Variants in SETDB2 observed in about 807,000 individuals in gnomAD.
SETDB2 encodes the protein histone-lysine N-methyltransferase SETDB2.
In SETDB2, 56 loss-of-function variants were observed where a neutral mutation model predicts 82.5. The ratio of observed to expected loss-of-function variants is 0.68; its 90% CI spans 0.55 to 0.85. The LOEUF is 0.85. Ranked by LOEUF, SETDB2 falls within the 40% of genes least tolerant of loss-of-function variation. The probability of loss-of-function intolerance (pLI) is 0.00; values close to 1 mark genes in which losing one functional copy is unlikely to be tolerated. For missense variants in SETDB2, 677 were observed against 816.4 expected, an observed-to-expected ratio of 0.83 and a Z score of 2.08; for synonymous variants, 272 against 284.9, an observed-to-expected ratio of 0.95 and a Z score of 0.46.
At position 49,494,794 on chromosome 13, in the gene SETDB2, C is replaced by T. The variant is rs1475378254; in HGVS notation, c.*2945C>T. ...TCTTCTGCTATCCCTAGTTGGCAGT[C>T]TTCCTCTTTACAACCTGCTGAAAGT... is the stretch of plus-strand genomic sequence containing the variant. On this transcript the variant is annotated 3_prime_UTR_variant, in exon 14 of 14. Coordinates refer to ENST00000611815, the MANE Select transcript of SETDB2 (RefSeq NM_001160308.3). The T allele has an allele frequency of 6.6e-6, 1 of 152,214 alleles. No individual in the cohort carries two copies. Among genetic ancestry groups the T allele is most frequent in the Non-Finnish European group, 1.5e-5 (1 of 68,034 alleles). 9.4% of individuals were successfully genotyped at this position (152,214 alleles called of 1,614,324 possible). A position where few individuals can be genotyped will look rare whatever the true frequency, so the allele number is the denominator to read the frequency against.
intron 12 of SETDB2, 92 bp downstream of exon 12, chr13:49,488,722 G>A: frequency 1.9e-6 from 2 of 1,051,654 alleles, no homozygotes; most frequent in South Asian, 3.3e-5. Context: ...AGACTCTAAA[G>A]TCAGACCATC....
intron 5 of SETDB2, among the ~76,000 whole-genome samples, chr13:49,472,526 T>C (rs1958271506): frequency 6.6e-6 from 1 of 152,354 alleles, no homozygotes; most frequent in African/African-American, 2.4e-5. Flanking sequence ...TCTAGCACTT[T>C]TAATCAATGA....
chr13:49,488,922 G>T (rs1958646935), intron 12 of SETDB2: 1 of 211,514 alleles, frequency 4.7e-6, no homozygotes, highest in East Asian at 1.1e-4. Context: ...TTAAAAAACT[G>T]TAAGAAATGG....
At chr13:49,445,918 CAG>C (rs1594119819) in intron 1 of SETDB2, 1 of 129,254 alleles carries the variant, frequency 7.7e-6, no homozygotes, top group African/African-American at 3.4e-5. Flanking sequence ...GCACTGGTGA[CAG>C]AGCGAGACTC....
chr13:49,489,429 G>C (rs961765419), intron 12 of SETDB2: 1 of 149,082 alleles, frequency 6.7e-6, no homozygotes, highest in Non-Finnish European at 1.5e-5. Context: ...CAAAAGGCTT[G>C]TTTGTTACAG....
intron 5 of SETDB2, among the ~76,000 whole-genome samples, chr13:49,475,149 G>T (rs967620421): frequency 6.6e-6 from 1 of 152,172 alleles, no homozygotes; most frequent in Non-Finnish European, 1.5e-5. Flanking sequence ...ATCTTACATA[G>T]ATGGTGACAG....
At chr13:49,466,744 A>G (rs979539218) in intron 4 of SETDB2, among the ~76,000 whole-genome samples, 1 of 151,910 alleles carries the variant, frequency 6.6e-6, no homozygotes, top group Non-Finnish European at 1.5e-5. Context: ...TCCTGGGCTT[A>G]AGCAGTGTTT....
chr13:49,475,461 G>C (rs969801224), intron 5 of SETDB2, among the ~76,000 whole-genome samples: 6 of 151,080 alleles, frequency 4.0e-5, no homozygotes, highest in Non-Finnish European at 8.8e-5. Flanking sequence ...TTTAAAACTT[G>C]ATTTCCAAAC....
intron 10 of SETDB2, among the ~76,000 whole-genome samples, chr13:49,484,652 C>T (rs889511028): frequency 6.6e-5 from 10 of 152,156 alleles, no homozygotes; most frequent in African/African-American, 1.9e-4. Flanking sequence ...GTGGTAGCCT[C>T]TGAGGGTACC....
At chr13:49,467,751 A>C (rs1201833918) in intron 4 of SETDB2, 113 bp from the exon 5 acceptor site, 6 of 608,326 alleles carry the variant, frequency 9.9e-6, no homozygotes, top group Non-Finnish European at 1.5e-5. Flanking sequence ...TATGTTTGCA[A>C]ATTTTAGGGA....
rs7996852 is a variant in SETDB2, at chr13:49,480,210, G to T, written c.870-9G>T. 0.73 allele frequency: 1,150,966 copies of T among 1,585,608 alleles called. 421,359 individuals carry two copies. The highest frequency in any genetic ancestry group is 0.93 in the African/African-American group (68,766 of 73,822). On this transcript the variant is annotated splice_polypyrimidine_tract_variant and intron_variant, in intron 6 of 13. Transcript: ENST00000611815. The stretch of plus-strand genomic sequence containing the variant: ...TTCATTCTTTCTCCATCCATTGCCT[G>T]CCTTTTAGAACAAAATGTGCATGTC...
At chr13:49,491,026 G>A in intron 13 of SETDB2, 116 bp downstream of exon 13, 1 of 700,980 alleles carries the variant, frequency 1.4e-6, no homozygotes. Flanking sequence ...GCCAAGGTGG[G>A]GAGACTGCTT....
At chr13:49,488,655 AT>A in intron 12 of SETDB2, 25 bp downstream of exon 12, 1 of 1,514,978 alleles carries the variant, frequency 6.6e-7, no homozygotes, top group Non-Finnish European at 8.9e-7. Context: ...TGAGATTCCT[AT>A]TTCTGAACAA....
At chr13:49,464,794 G>A (rs1442955650) in intron 4 of SETDB2, among the ~76,000 whole-genome samples, 3 of 152,134 alleles carry the variant, frequency 2.0e-5, no homozygotes, top group Admixed American at 2.0e-4. Context: ...GAATACAGTG[G>A]CTCAGGCCTG....
intron 3 of SETDB2, among the ~76,000 whole-genome samples, 168 bp downstream of exon 3, chr13:49,460,400 T>G (rs1313627139): frequency 6.6e-6 from 1 of 152,168 alleles, no homozygotes; most frequent in Non-Finnish European, 1.5e-5. Flanking sequence ...TTTTCCCTCA[T>G]TTATCTTTTT....
intron 4 of SETDB2, chr13:49,464,200 G>C: frequency 1.6e-6 from 1 of 636,186 alleles, no homozygotes; most frequent in Non-Finnish European, 2.9e-6. Flanking sequence ...TCTGAGTATA[G>C]TACTGACTTC....
At chr13:49,461,064 G>A (rs1195817971) in intron 3 of SETDB2, 33 bp from the exon 4 acceptor site, 1 of 1,527,292 alleles carries the variant, frequency 6.5e-7, no homozygotes. Flanking sequence ...ATAAATAAAG[G>A]TAATGGTGAT....
intron 5 of SETDB2, among the ~76,000 whole-genome samples, chr13:49,470,333 G>A (rs1379208145): frequency 2.0e-5 from 3 of 152,104 alleles, no homozygotes; most frequent in African/African-American, 7.2e-5. Flanking sequence ...TTAGGCTTAG[G>A]ATTTTCTTCC....
At position 49,493,548 on chromosome 13, in the gene SETDB2, A is replaced by AG; in HGVS notation, c.*1699_*1700insG. 1 of 152,292 alleles carries AG rather than the reference A, an allele frequency of 6.6e-6. No individual in the cohort carries two copies. Among genetic ancestry groups the AG allele is most frequent in the South Asian group, 2.1e-4 (1 of 4,822 alleles). The allele number at this position is 152,292 out of a possible 1,614,324, so 9.4% of individuals were successfully genotyped here. On this transcript the variant is annotated 3_prime_UTR_variant, in exon 14 of 14. Transcript: ENST00000611815. ...TGGGATCTGTTTCCAGTTAGATGCC[A>AG]TTATTTTCCTTTTCCTTGGTTTACT...
Sources: gnomAD v4.1 joint callset for allele counts (sites outside exome capture counted in the v4.1 genomes callset) on GRCh38, gnomAD v4.1.1 for gene constraint, MANE v1.5 for transcripts, NCBI Gene and HGNC (gene_info 2026-07-23, HGNC 2026-07-21) for gene names.